Variants in SH3PXD2A observed in about 807,000 individuals in gnomAD.
SH3PXD2A encodes SH3 and PX domains 2A, also known as SH3 and PX domain-containing protein 2A.
Under a neutral mutation model 115.2 loss-of-function variants are expected in SH3PXD2A, and 32 were observed. The observed-to-expected ratio is 0.28, with a 90% CI of 0.21 to 0.37. The LOEUF is 0.37. Among genes scored for constraint, SH3PXD2A ranks in the 10% least tolerant of loss-of-function variants. The probability of loss-of-function intolerance (pLI) is 1.00; values close to 1 mark genes in which losing one functional copy is unlikely to be tolerated. For missense variants in SH3PXD2A, 1,328 were observed against 1,498.7 expected (o/e 0.89, Z 1.88); for synonymous variants, 610 against 629.1 (o/e 0.97, Z 0.45).
intron 4 of SH3PXD2A, among the ~76,000 whole-genome samples, chr10:103,727,828 C>T (rs2038260623): frequency 6.6e-6 from 1 of 152,246 alleles, no homozygotes; most frequent in South Asian, 2.1e-4. Flanking sequence ...TGATTTCAGG[C>T]TGACAAGAGG....
Position 103,611,567 on chromosome 10 carries a change from T to C in SH3PXD2A, c.1308+14A>G. The C allele has an allele frequency of 6.2e-7, 1 of 1,612,534 alleles. No homozygotes were observed. The highest frequency in any genetic ancestry group is 8.5e-7 in the Non-Finnish European group (1 of 1,178,600). On this transcript the variant is annotated intron_variant, in intron 13 of 14. Transcript: ENST00000369774. ...AAAAGGAAGGAAAGGGGAGAAGAAA[T>C]TCAGTACACATACCAGGCTGGATTC...
At position 103,640,143 on chromosome 10, in the gene SH3PXD2A, C is replaced by T. The variant is rs184479364; in HGVS notation, c.605-12941G>A. ...CAGTCTGGCCAACATGGCGAAACCC[C>T]GTTTGTAATAAAAATACAAAAATTA... is the stretch of plus-strand genomic sequence containing the variant. On this transcript the variant is annotated intron_variant, in intron 8 of 14. Coordinates refer to ENST00000369774, the MANE Select transcript of SH3PXD2A (RefSeq NM_001394015.1). 6.5e-3 allele frequency among the ~76,000 whole-genome samples: 982 copies of T among 152,088 alleles called. 14 individuals are homozygous for T. The highest frequency in any genetic ancestry group is 0.022 in the African/African-American group (930 of 41,496).
intron 6 of SH3PXD2A, among the ~76,000 whole-genome samples, chr10:103,685,885 A>G (rs2037671448): frequency 6.6e-6 from 1 of 152,206 alleles, no homozygotes; most frequent in Admixed American, 6.5e-5. Context: ...TGGGTCTCAC[A>G]GAATGGAAAT....
At chr10:103,622,893 A>G (rs887347503) in intron 9 of SH3PXD2A, among the ~76,000 whole-genome samples, 1 of 152,198 alleles carries the variant, frequency 6.6e-6, no homozygotes, top group Non-Finnish European at 1.5e-5. Context: ...TACAGCCTCC[A>G]GGGATGGTGA....
At chr10:103,777,795 G>A (rs1196060429) in intron 2 of SH3PXD2A, among the ~76,000 whole-genome samples, 1 of 152,194 alleles carries the variant, frequency 6.6e-6, no homozygotes, top group Non-Finnish European at 1.5e-5. Context: ...GTTCTAGCCT[G>A]CAAGAAGTTG....
intron 2 of SH3PXD2A, among the ~76,000 whole-genome samples, chr10:103,771,192 A>T (rs939405536): frequency 1.3e-5 from 2 of 152,192 alleles, no homozygotes; most frequent in Non-Finnish European, 2.9e-5. Flanking sequence ...ACCTCACCCA[A>T]GGTGCTATAT....
intron 3 of SH3PXD2A, chr10:103,754,460 C>T (rs777320241): frequency 2.6e-5 from 4 of 152,188 alleles, no homozygotes; most frequent in Non-Finnish European, 4.4e-5. Context: ...CAGACATAGG[C>T]TTTAGACGTT....
intron 1 of SH3PXD2A, among the ~76,000 whole-genome samples, chr10:103,839,341 G>A (rs2134314884): frequency 6.6e-6 from 1 of 152,298 alleles, no homozygotes; most frequent in Non-Finnish European, 1.5e-5. Context: ...TGTCAGCTCT[G>A]AACATGCACA....
At chr10:103,787,837 G>A (rs1010592773) in intron 2 of SH3PXD2A, among the ~76,000 whole-genome samples, 2 of 152,156 alleles carry the variant, frequency 1.3e-5, no homozygotes, top group Admixed American at 1.3e-4. Context: ...ACATTCCTGG[G>A]CTCTTCCCGA....
intron 7 of SH3PXD2A, among the ~76,000 whole-genome samples, chr10:103,664,200 C>A (rs902438625): frequency 6.6e-6 from 1 of 152,202 alleles, no homozygotes. Context: ...ATGGGGCCTC[C>A]TTTCCCAGTG....
chr10:103,625,177 G>C (rs1273589544), intron 9 of SH3PXD2A, among the ~76,000 whole-genome samples: 2 of 152,188 alleles, frequency 1.3e-5, no homozygotes, highest in Non-Finnish European at 2.9e-5. Context: ...GTTCCAACCA[G>C]GCTGGCATCT....
intron 2 of SH3PXD2A, among the ~76,000 whole-genome samples, chr10:103,790,794 T>C (rs1298775938): frequency 2.6e-5 from 4 of 152,212 alleles, no homozygotes; most frequent in Non-Finnish European, 5.9e-5. Context: ...GATCAATTAG[T>C]GATGTCTGCT....
rs765769948 is a variant in SH3PXD2A, at chr10:103,603,230, G to A, written c.1988C>T (p.Pro663Leu). The A allele has an allele frequency of 3.7e-6, 6 of 1,613,718 alleles. No individual in the cohort carries two copies. In the South Asian group the frequency reaches 4.4e-5, roughly 12 times the overall value. The part of the protein sequence containing the change: ...TRKNSPKSGS[P>L]KSSSLLKLKA... ...GAGCTTTAGGAGTGATGATGACTTG[G>A]GGGAGCCTGATTTGGGGGAGTTTTT... The change falls in exon 15 of 15, where the codon CCC becomes CTC. Residue 663 changes from proline (P) to leucine (L), a missense_variant. This residue lies in a region of SH3PXD2A where 574 missense variants were observed against 565.7 expected (regional missense o/e 1.01). Coordinates refer to ENST00000369774, the MANE Select transcript of SH3PXD2A (RefSeq NM_001394015.1).
intron 9 of SH3PXD2A, among the ~76,000 whole-genome samples, chr10:103,623,929 T>A (rs796475541): frequency 1.3e-5 from 2 of 152,224 alleles, no homozygotes; most frequent in African/African-American, 4.8e-5. Context: ...CAGTAAGGTG[T>A]TGATGTCGGC....
At chr10:103,685,873 C>T (rs566047494) in intron 6 of SH3PXD2A, among the ~76,000 whole-genome samples, 1 of 152,210 alleles carries the variant, frequency 6.6e-6, no homozygotes, top group Non-Finnish European at 1.5e-5. Context: ...GTCGTCCCCT[C>T]CTGGGTCTCA....
intron 3 of SH3PXD2A, among the ~76,000 whole-genome samples, chr10:103,743,850 G>C (rs987559359): frequency 2.0e-5 from 3 of 152,186 alleles, no homozygotes; most frequent in Non-Finnish European, 2.9e-5. Context: ...CTTTTTCCTG[G>C]AGAATGGTAC....
chr10:103,698,169 T>G (rs2037847203), intron 5 of SH3PXD2A, among the ~76,000 whole-genome samples: 1 of 151,068 alleles, frequency 6.6e-6, no homozygotes, highest in African/African-American at 2.4e-5. Flanking sequence ...GTTCCCAGAG[T>G]GAGAGGTGAA....
At chr10:103,717,421 G>A (rs1404786610) in intron 5 of SH3PXD2A, among the ~76,000 whole-genome samples, 1 of 152,190 alleles carries the variant, frequency 6.6e-6, no homozygotes, top group Non-Finnish European at 1.5e-5. Flanking sequence ...TGAGTCTGGA[G>A]ACAGAGTAGG....
chr10:103,767,309 A>ATG, intron 2 of SH3PXD2A, 140 bp from the exon 3 acceptor site: 1 of 660,160 alleles, frequency 1.5e-6, no homozygotes, highest in Non-Finnish European at 2.8e-6. Context: ...CATTTCACAG[A>ATG]TGATTAACAA....
Sources: gnomAD v4.1 joint callset for allele counts (sites outside exome capture counted in the v4.1 genomes callset) on GRCh38, gnomAD v4.1.1 for gene constraint, gnomAD v4.1.1 regional missense constraint, MANE v1.5 for transcripts, NCBI Gene and HGNC (gene_info 2026-07-23, HGNC 2026-07-21) for gene names.